The following CAPN2 variants were observed in gnomAD, a reference collection of about 807,000 sequenced individuals.
CAPN2 encodes calpain 2.
A neutral mutation model predicts 102.3 loss-of-function variants in CAPN2; 92 were observed. That is an observed-to-expected ratio of 0.90 (90% CI 0.76 to 1.07). The LOEUF is 1.07. Ranked by LOEUF, CAPN2 falls within the 50% of genes least tolerant of loss-of-function variation. CAPN2 has a pLI of 0.00. For synonymous variants in CAPN2, 340 were observed against 355.4 expected (o/e 0.96, Z 0.49); for missense variants, 800 against 909.4 (o/e 0.88, Z 1.55).
rs776289415 is a variant in CAPN2, at chr1:223,747,102, C to CT, written c.666_667insT (p.Asn223Ter). 2 of 1,614,056 alleles carry CT rather than the reference C, an allele frequency of 1.2e-6. No homozygotes were observed. The highest frequency in any genetic ancestry group is 2.2e-5 in the South Asian group (2 of 91,064). ...GGTATGAGTTGAAGAAGCCCCCTCCCAACCTGTTCAAGATCATCCAGAAAG... is the reference window on the plus strand; with the variant it reads ...GGTATGAGTTGAAGAAGCCCCCTCCCTAACCTGTTCAAGATCATCCAGAAAG... On this transcript the variant is annotated frameshift_variant, in exon 5 of 21. Coordinates refer to ENST00000295006, the MANE Select transcript of CAPN2 (RefSeq NM_001748.5). LOFTEE classifies it high-confidence loss of function.
chr1:223,756,167 C>A lies in CAPN2; in HGVS notation c.1305+518C>A, dbSNP rs889925148. 3.9e-5 allele frequency among the ~76,000 whole-genome samples: 6 copies of A among 152,162 alleles called. No homozygotes were observed. Among genetic ancestry groups the A allele is most frequent in the African/African-American group, 1.4e-4 (6 of 41,424 alleles). The stretch of plus-strand genomic sequence containing the variant: ...TCCCTACACAGACTCCTGCTGTATG[C>A]GTGTTTTCCTTTCACTCTGAGCCAC... On this transcript the variant is annotated intron_variant, in intron 10 of 20. Coordinates refer to ENST00000295006, the MANE Select transcript of CAPN2 (RefSeq NM_001748.5). This position sits in a 1 kb window ranked among gnomAD's most constrained non-coding sequence, Gnocchi z 4.1.
At chr1:223,718,419 G>A (rs6683052) in intron 2 of CAPN2, among the ~76,000 whole-genome samples, 13,866 of 152,274 alleles carry the variant, frequency 0.091, 678 homozygotes, top group African/African-American at 0.12. Context: ...CCAAAACCTT[G>A]CTTTCTGGAG....
rs753516775 is a variant in CAPN2, at chr1:223,759,321, C to T, written c.1369C>T (p.Arg457Cys). Residue 457 changes from arginine (R) to cysteine (C), a missense_variant, in exon 12 of 21, where the codon CGC (arginine) becomes TGC (cysteine). Coordinates refer to ENST00000295006, the MANE Select transcript of CAPN2 (RefSeq NM_001748.5). This position sits in a 1 kb window ranked among gnomAD's most constrained non-coding sequence, Gnocchi z 4.6. ...CAGCAAAAACTTCTTCCTGACGAAT[C>T]GCGCCAGGGAGCGCTCAGACACCTT... ...HLSKNFFLTNRARERSDTFIN... is the reference protein window; with the variant it reads ...HLSKNFFLTNCARERSDTFIN... 9.3e-6 allele frequency: 15 copies of T among 1,614,104 alleles called. No homozygotes were observed. The highest frequency in any genetic ancestry group is 4.5e-5 in the East Asian group (2 of 44,900).
Position 223,751,987 on chromosome 1 carries a change from T to C in CAPN2, c.900-10T>C. ...TACACTAACGCCTCTCTCTTTACTT[T>C]GTTTTCCAGCTGCCCAAGCTGGAAC... On this transcript the variant is annotated splice_polypyrimidine_tract_variant and intron_variant, in intron 7 of 20. Coordinates refer to ENST00000295006, the MANE Select transcript of CAPN2 (RefSeq NM_001748.5). The C allele has an allele frequency of 6.3e-7, 1 of 1,591,990 alleles. No homozygotes were observed.
chr1:223,709,661 CAA>C (rs779362608), upstream of CAPN2, among the ~76,000 whole-genome samples: 2 of 137,834 alleles, frequency 1.5e-5, no homozygotes, highest in Middle Eastern at 3.8e-3. Context: ...AACTCCATCT[CAA>C]AAAAAAAAAA....
Position 223,741,436 on chromosome 1 carries a change from A to AATG in CAPN2, c.308-2664_308-2663insATG, listed in dbSNP as rs1553254330. 1.8e-3 allele frequency among the ~76,000 whole-genome samples: 224 copies of AATG among 124,224 alleles called. 2 individuals are homozygous for AATG. The highest frequency in any genetic ancestry group is 5.0e-3 in the African/African-American group (113 of 22,822). The allele number at this position is 124,224 out of a possible 152,430, so 81.5% of individuals were successfully genotyped here. A position where few individuals can be genotyped will look rare whatever the true frequency, so the allele number is the denominator to read the frequency against. On this transcript the variant is annotated intron_variant, in intron 2 of 20. Transcript: ENST00000295006. ...GCTGTAAAATGTATATATATATATA[A>AATG]TGTGTATATATATATATATATATAT...
chr1:223,751,839 G>T (rs963760078), intron 7 of CAPN2, among the ~76,000 whole-genome samples, 158 bp from the exon 8 acceptor site: 1 of 152,230 alleles, frequency 6.6e-6, no homozygotes, highest in African/African-American at 2.4e-5. Flanking sequence ...TGCTGTAAGA[G>T]TATTAAAATG....
rs755171997 is a variant in CAPN2 at position 223,759,405 on chromosome 1, G to T, written c.1453G>T (p.Val485Leu). The change falls in exon 12 of 21, where the codon GTG (valine) becomes TTG (leucine). Residue 485 changes from valine to leucine, a missense_variant. Transcript: ENST00000295006. The surrounding 1 kb of genome is among the most constrained non-coding windows in gnomAD (Gnocchi z 4.6). ...GCTGCCGCCAGGAGAGTACATTCTC[G>T]TGCCTTCCACCTTCGAACCCAACAA... ...FKLPPGEYIL[V>L]PSTFEPNKDG... 1.2e-6 allele frequency: 2 copies of T among 1,614,150 alleles called. No individual in the cohort carries two copies. Among genetic ancestry groups the T allele is most frequent in the Non-Finnish European group, 1.7e-6 (2 of 1,180,038 alleles).
chr1:223,762,068 TG>T, intron 13 of CAPN2, 117 bp from the exon 14 acceptor site: 1 of 735,706 alleles, frequency 1.4e-6, no homozygotes, highest in South Asian at 1.7e-5. Flanking sequence ...CCGTAGAATT[TG>T]GGCCCCAGGG....
chr1:223,714,621 TAAA>T (rs373544472), intron 1 of CAPN2, among the ~76,000 whole-genome samples: 14 of 130,954 alleles, frequency 1.1e-4, no homozygotes, highest in Non-Finnish European at 1.4e-4. Context: ...TATAAAAAAG[TAAA>T]AAAAAAAAAA....
upstream of CAPN2, among the ~76,000 whole-genome samples, chr1:223,708,587 G>A (rs369081563): frequency 1.1e-3 from 172 of 152,124 alleles, no homozygotes; most frequent in Non-Finnish European, 1.9e-3. Flanking sequence ...TGGCCAACAT[G>A]AGGAAACCCC....
rs771049760 is a variant in CAPN2 at position 223,759,450 on chromosome 1, C to T, written c.1498C>T (p.Arg500Trp). ...CAACAAGGATGGGGATTTCTGCATCCGGGTCTTTTCTGAAAAGAAAGCTGA... is the reference window on the plus strand; with the variant it reads ...CAACAAGGATGGGGATTTCTGCATCTGGGTCTTTTCTGAAAAGAAAGCTGA... ...EPNKDGDFCI[R>W]VFSEKKADYQ... The change falls in exon 12 of 21, where the codon CGG becomes TGG. Residue 500 changes from arginine (R) to tryptophan (W), a missense_variant. Coordinates refer to ENST00000295006, the MANE Select transcript of CAPN2 (RefSeq NM_001748.5). The surrounding 1 kb of genome is among the most constrained non-coding windows in gnomAD (Gnocchi z 4.6). 2.3e-5 allele frequency: 37 copies of T among 1,613,980 alleles called. No individual in the cohort carries two copies. The East Asian group carries it at 2.9e-4, about 13-fold the overall frequency.
intron 1 of CAPN2, among the ~76,000 whole-genome samples, chr1:223,716,300 G>C (rs558225579): frequency 6.6e-6 from 1 of 152,330 alleles, no homozygotes; most frequent in South Asian, 2.1e-4. Flanking sequence ...GCTGGAGTAA[G>C]TGCCTGGCAC....
chr1:223,757,501 C>A, intron 11 of CAPN2, 121 bp downstream of exon 11: 1 of 1,035,362 alleles, frequency 9.7e-7, no homozygotes, highest in Non-Finnish European at 1.5e-6. Flanking sequence ...AGGATGAGTC[C>A]TGGCCACCCC....
chr1:223,752,371 T>C (rs1187402850), intron 8 of CAPN2, among the ~76,000 whole-genome samples: 2 of 152,146 alleles, frequency 1.3e-5, no homozygotes, highest in Non-Finnish European at 2.9e-5. Flanking sequence ...ATGGGGCCTT[T>C]CTCCCCCAGG....
At chr1:223,750,725 T>C (rs1483397833) in intron 6 of CAPN2, among the ~76,000 whole-genome samples, 165 bp from the exon 7 acceptor site, 1 of 152,206 alleles carries the variant, frequency 6.6e-6, no homozygotes, top group Non-Finnish European at 1.5e-5. Flanking sequence ...AAGCCCCCTC[T>C]AGCTCTTGTG....
Position 223,726,891 on chromosome 1 carries a change from C to A in CAPN2, c.307+9060C>A, listed in dbSNP as rs28370033. ...AAAGGGATGGCCCAGGGTGACTCAT[C>A]AGCTACCCTCTCGCAGGCCTAGCAC... On this transcript the variant is annotated intron_variant, in intron 2 of 20. Transcript: ENST00000295006. The surrounding 1 kb of genome is among the most constrained non-coding windows in gnomAD (Gnocchi z 4.4). 1.3e-4 allele frequency among the ~76,000 whole-genome samples: 20 copies of A among 152,152 alleles called. 1 individual carries two copies. The highest frequency in any genetic ancestry group is 5.2e-4 in the Admixed American group (8 of 15,276).
At position 223,769,864 on chromosome 1, in the gene CAPN2, G is replaced by A. The variant is rs778170930; in HGVS notation, c.1779G>A (p.Gly593=). The change falls in exon 17 of 21, where the codon GGG becomes GGA. Residue 593 remains glycine (G), a synonymous_variant. Transcript: ENST00000295006. ...MLDSDGSGKL[G]LKEFYILWTK... ...AGTCGGACGGGAGTGGCAAGCTGGGGCTGAAGGAGTTCTACATTCTCTGGA... is the reference window on the plus strand; with the variant it reads ...AGTCGGACGGGAGTGGCAAGCTGGGACTGAAGGAGTTCTACATTCTCTGGA... 11 of 1,609,060 alleles carry A rather than the reference G, an allele frequency of 6.8e-6. No individual in the cohort carries two copies. Among genetic ancestry groups the A allele is most frequent in the African/African-American group, 4.0e-5 (3 of 74,836 alleles).
chr1:223,761,475 C>T (rs549130126), intron 12 of CAPN2, 106 bp from the exon 13 acceptor site: 78 of 867,742 alleles, frequency 9.0e-5, no homozygotes, highest in Non-Finnish European at 1.4e-4. Flanking sequence ...CCCCACCCCA[C>T]CTACCCCCTG....
Sources: allele counts gnomAD v4.1 joint callset (sites outside exome capture counted in the v4.1 genomes callset), GRCh38; gene constraint gnomAD v4.1.1; non-coding constraint Gnocchi (gnomAD v3.1); transcripts MANE v1.5; gene names NCBI Gene and HGNC (gene_info 2026-07-23, HGNC 2026-07-21).